Variants in PCLO observed in about 807,000 individuals in gnomAD.
PCLO encodes the protein protein piccolo.
A neutral mutation model predicts 427.5 loss-of-function variants in PCLO; 82 were observed. The ratio of observed to expected loss-of-function variants is 0.19; its 90% CI spans 0.16 to 0.23. PCLO has a LOEUF of 0.23. PCLO is among the 10% of genes least tolerant of loss of function. The pLI, the probability that PCLO is intolerant of heterozygous loss-of-function variation, is 1.00. For missense variants in PCLO, 6,239 were observed against 6,115.9 expected (o/e 1.02, Z -0.67); for synonymous variants, 2,357 against 2,155.4 (o/e 1.09, Z -2.59).
intron 7 of PCLO, chr7:82,914,437 C>G: frequency 3.5e-6 from 2 of 577,574 alleles, no homozygotes; most frequent in Non-Finnish European, 6.1e-6. Flanking sequence ...AAAGCAGACA[C>G]CAAACAAATC....
At chr7:82,800,940 T>A (rs1304211348) in intron 22 of PCLO, among the ~76,000 whole-genome samples, 1 of 152,030 alleles carries the variant, frequency 6.6e-6, no homozygotes, top group Non-Finnish European at 1.5e-5. Flanking sequence ...ATCGTAAAGC[T>A]TATAGATACT....
intron 7 of PCLO, among the ~76,000 whole-genome samples, chr7:82,910,395 G>A (rs1794294358): frequency 6.6e-6 from 1 of 151,994 alleles, no homozygotes; most frequent in South Asian, 2.1e-4. Flanking sequence ...CTTAACCATG[G>A]CATTTTCCTC....
chr7:83,030,329 T>C (rs529391861), intron 3 of PCLO, among the ~76,000 whole-genome samples: 55 of 152,292 alleles, frequency 3.6e-4, no homozygotes, highest in Non-Finnish European at 6.6e-4. Context: ...CCCTTCGATC[T>C]GGAACTTGAA....
At chr7:83,158,614 CCAT>C (rs1213746758) in intron 1 of PCLO, among the ~76,000 whole-genome samples, 5 of 151,824 alleles carry the variant, frequency 3.3e-5, no homozygotes, top group African/African-American at 9.7e-5. Context: ...TTCACTTAAT[CCAT>C]CATATTTGTA....
Position 82,902,127 on chromosome 7 carries a change from G to A in PCLO, c.13528+524C>T, listed in dbSNP as rs549143300. Among the ~76,000 whole-genome samples the A allele has an allele frequency of 9.2e-5, 14 of 151,998 alleles. No individual in the cohort carries two copies. The East Asian group carries it at 1.7e-3, about 19-fold the overall frequency. Reference sequence around the variant, plus strand: ...TGCTGCTATAAAGACACATGCACACGTATGTTTATTGCGGGACTATTCACA... The same window carrying A: ...TGCTGCTATAAAGACACATGCACACATATGTTTATTGCGGGACTATTCACA... On this transcript the variant is annotated intron_variant, in intron 9 of 24. Coordinates refer to ENST00000333891, the MANE Select transcript of PCLO (RefSeq NM_033026.6).
intron 3 of PCLO, among the ~76,000 whole-genome samples, chr7:83,075,702 G>A (rs191889132): frequency 2.2e-4 from 34 of 151,852 alleles, no homozygotes; most frequent in Non-Finnish European, 3.1e-4. Flanking sequence ...TTAAAATTTC[G>A]GGAAATTACT....
At chr7:82,867,083 A>C (rs1183388277) in intron 10 of PCLO, among the ~76,000 whole-genome samples, 1 of 152,196 alleles carries the variant, frequency 6.6e-6, no homozygotes, top group African/African-American at 2.4e-5. Flanking sequence ...ATTAAAAGGA[A>C]GACAAACATC....
intron 3 of PCLO, among the ~76,000 whole-genome samples, chr7:82,974,213 C>T (rs1353326660): frequency 6.6e-6 from 1 of 152,044 alleles, no homozygotes; most frequent in African/African-American, 2.4e-5. Context: ...ATGGTGAAAC[C>T]CCATTTCTAC....
Position 83,083,986 on chromosome 7 carries a change from T to C in PCLO, c.3300+50264A>G, listed in dbSNP as rs140155968. Among the ~76,000 whole-genome samples the C allele has an allele frequency of 9.2e-4, 140 of 152,232 alleles. 1 individual carries two copies. Among genetic ancestry groups the C allele is most frequent in the African/African-American group, 3.2e-3 (133 of 41,552 alleles). ...GGTTGACAAGAGAACATCCTCTGTG[T>C]AGGAAACTCATCAGAGCAGCCCTGT... On this transcript the variant is annotated intron_variant, in intron 3 of 24. Transcript: ENST00000333891.
chr7:83,128,831 T>C (rs753163737), intron 3 of PCLO, among the ~76,000 whole-genome samples: 15 of 152,154 alleles, frequency 9.9e-5, no homozygotes, highest in Non-Finnish European at 2.1e-4. Flanking sequence ...CTAGGAATGG[T>C]GGCCAGTTTG....
At chr7:82,798,883 A>G (rs1166370500) in intron 22 of PCLO, among the ~76,000 whole-genome samples, 1 of 151,770 alleles carries the variant, frequency 6.6e-6, no homozygotes, top group Non-Finnish European at 1.5e-5. Flanking sequence ...CCCATCCTCA[A>G]CCCCCGCCCC....
chr7:82,956,663 T>A lies in PCLO; in HGVS notation c.4290A>T (p.Glu1430Asp). The change falls in exon 5 of 25, where the codon GAA becomes GAT. Residue 1430 changes from glutamate (E) to aspartate (D), a missense_variant. By Grantham distance (45) the Glu-to-Asp change is conservative. This residue lies in a region of PCLO where 4,677 missense variants were observed against 4,468.4 expected (regional missense o/e 1.05). Coordinates refer to ENST00000333891, the MANE Select transcript of PCLO (RefSeq NM_033026.6). ...GGGGTTGTGTTTTCTTTTCTGACTT[T>A]TCATCAGCAAGTGTACTTGCTTGAG... is the stretch of plus-strand genomic sequence containing the variant. Reference protein sequence around the residue: ...LEAQASTLADEKSEKKTQPHE... With the variant: ...LEAQASTLADDKSEKKTQPHE... 6.2e-7 allele frequency: 1 copy of A among 1,613,950 alleles called. No homozygotes were observed. Among genetic ancestry groups the A allele is most frequent in the Non-Finnish European group, 8.5e-7 (1 of 1,179,860 alleles).
At chr7:83,063,627 T>C (rs1166881469) in intron 3 of PCLO, among the ~76,000 whole-genome samples, 2 of 152,114 alleles carry the variant, frequency 1.3e-5, no homozygotes, top group Admixed American at 6.6e-5. Flanking sequence ...TTTAGGTGTA[T>C]TAAAGACATT....
chr7:82,754,979 A>G lies in PCLO; in HGVS notation c.*3596T>C, dbSNP rs1376139401. 1 of 152,162 alleles carries G rather than the reference A, an allele frequency of 6.6e-6. No homozygotes were observed. Among genetic ancestry groups the G allele is most frequent in the East Asian group, 1.9e-4 (1 of 5,192 alleles). The allele number at this position is 152,162 out of a possible 1,614,324, so 9.4% of individuals were successfully genotyped here. On this transcript the variant is annotated 3_prime_UTR_variant, in exon 25 of 25. Coordinates refer to ENST00000333891, the MANE Select transcript of PCLO (RefSeq NM_033026.6). ...ATGATTTAAATAATAAAGTAAAAAA[A>G]TACTATAAACATCTTTATGATATTT...
intron 3 of PCLO, among the ~76,000 whole-genome samples, chr7:83,062,332 A>G (rs1046174882): frequency 1.3e-5 from 2 of 152,170 alleles, no homozygotes; most frequent in Non-Finnish European, 2.9e-5. Context: ...ATCTTGAACT[A>G]TAACAGTCAA....
chr7:82,919,453 ATCTGTTTCAT>A (rs1210229806), intron 6 of PCLO, among the ~76,000 whole-genome samples: 1 of 151,974 alleles, frequency 6.6e-6, no homozygotes, highest in Non-Finnish European at 1.5e-5. Flanking sequence ...GTGTGGTGAG[ATCTGTTTCAT>A]TCAAGAAAAT....
intron 3 of PCLO, among the ~76,000 whole-genome samples, chr7:83,021,486 T>G (rs1417482195): frequency 6.6e-6 from 1 of 152,148 alleles, no homozygotes; most frequent in Non-Finnish European, 1.5e-5. Flanking sequence ...AAAGGTTTTT[T>G]TTTAATCTGT....
intron 2 of PCLO, among the ~76,000 whole-genome samples, chr7:83,151,963 CTT>C (rs533840622): frequency 9.0e-5 from 13 of 144,156 alleles, no homozygotes; most frequent in Admixed American, 1.4e-4. Flanking sequence ...TACAAACTTA[CTT>C]TTTTTTTTTT....
intron 18 of PCLO, among the ~76,000 whole-genome samples, chr7:82,826,080 T>A (rs1176149026): frequency 6.6e-6 from 1 of 151,474 alleles, no homozygotes; most frequent in Non-Finnish European, 1.5e-5. Flanking sequence ...GATATTCTGA[T>A]ACAGGCATAC....
Sources: allele counts gnomAD v4.1 joint callset (sites outside exome capture counted in the v4.1 genomes callset), GRCh38; gene constraint gnomAD v4.1.1; regional missense constraint gnomAD v4.1.1; transcripts MANE v1.5; gene names NCBI Gene and HGNC (gene_info 2026-07-23, HGNC 2026-07-21).